The following ADGRF3 variants were observed in gnomAD, a reference collection of about 807,000 sequenced individuals.
ADGRF3 encodes G protein-coupled receptor 113.
In ADGRF3, 85 loss-of-function variants were observed where a neutral mutation model predicts 93.2. The ratio of observed to expected loss-of-function variants is 0.91; its 90% confidence interval spans 0.77 to 1.09. The LOEUF (loss-of-function observed/expected upper bound fraction) is 1.09, where lower values mean the gene tolerates loss of function less well. ADGRF3 is among the 50% of genes least tolerant of loss of function. The pLI is 0.00. For missense variants in ADGRF3, 1,125 were observed against 1,246.2 expected, an observed-to-expected ratio of 0.90 and a Z score of 1.46; for synonymous variants, 534 against 532.5, an observed-to-expected ratio of 1.00 and a Z score of -0.04.
chr2:26,332,743 A>T (rs555227819), intron 1 of ADGRF3, among the ~76,000 whole-genome samples: 1 of 151,828 alleles, frequency 6.6e-6, no homozygotes, highest in African/African-American at 2.4e-5. Context: ...CTGTCTCAAA[A>T]AATATATATA....
intron 1 of ADGRF3, among the ~76,000 whole-genome samples, chr2:26,329,861 AG>A (rs1158103895): frequency 6.6e-6 from 1 of 152,110 alleles, no homozygotes; most frequent in African/African-American, 2.4e-5. Context: ...CTTTTGTAAT[AG>A]GTACTTTAAT....
At chr2:26,313,198 A>G in intron 8 of ADGRF3, 76 bp from the exon 9 acceptor site, 1 of 1,558,262 alleles carries the variant, frequency 6.4e-7, no homozygotes, top group Non-Finnish European at 8.8e-7. Context: ...AGACCCATGG[A>G]GATTGTTGAC....
rs764784135 is a variant in ADGRF3, at chr2:26,311,103, G to A, written c.2421C>T (p.His807=). ...GGAGAACTCGGTGCTTTGCCAGCTG[G>A]TGAAAGACAAAGAGCAGCTGGTGGG... The part of the protein sequence containing the change: ...VLAHQLLFVF[H]QLAKHRVLPL... The change falls in exon 10 of 14, where the codon CAC becomes CAT. Residue 807 remains histidine, a synonymous_variant. Transcript: ENST00000651242. 1.9e-6 allele frequency: 3 copies of A among 1,600,332 alleles called. No homozygotes were observed. The highest frequency in any genetic ancestry group is 2.6e-6 in the Non-Finnish European group (3 of 1,173,782).
At position 26,308,339 on chromosome 2, in the gene ADGRF3, A is replaced by C. The variant is rs1355804119; in HGVS notation, c.*747T>G. 2 of 152,172 alleles carry C rather than the reference A, an allele frequency of 1.3e-5. No homozygotes were observed. Among genetic ancestry groups the C allele is most frequent in the Non-Finnish European group, 1.5e-5 (1 of 68,038 alleles). The allele number at this position is 152,172 out of a possible 1,614,324, so 9.4% of individuals were successfully genotyped here. A position where few individuals can be genotyped will look rare whatever the true frequency, so the allele number is the denominator to read the frequency against. ...GTCATCTTCCTCTTGTGAATTCCAT[A>C]AGTTAATTCAGCCAGATAGATATCT... is the stretch of plus-strand genomic sequence containing the variant. On this transcript the variant is annotated 3_prime_UTR_variant, in exon 14 of 14. Transcript: ENST00000651242.
chr2:26,343,508 C>A (rs891633465), intron 1 of ADGRF3, among the ~76,000 whole-genome samples: 1 of 151,882 alleles, frequency 6.6e-6, no homozygotes, highest in Non-Finnish European at 1.5e-5. Context: ...GGCGCGATCT[C>A]GGCTCACTGC....
chr2:26,314,924 A>G (rs1359316557), intron 5 of ADGRF3: 1 of 394,780 alleles, frequency 2.5e-6, no homozygotes, highest in Non-Finnish European at 4.6e-6. Flanking sequence ...AAAAACATGG[A>G]TCTGTTCTCA....
At chr2:26,330,223 G>C (rs1486236166) in intron 1 of ADGRF3, among the ~76,000 whole-genome samples, 1 of 152,126 alleles carries the variant, frequency 6.6e-6, no homozygotes, top group Non-Finnish European at 1.5e-5. Flanking sequence ...CCCGGGACCT[G>C]CGTGATGGAT....
At chr2:26,320,851 T>C (rs1287245062) in intron 1 of ADGRF3, among the ~76,000 whole-genome samples, 1 of 152,198 alleles carries the variant, frequency 6.6e-6, no homozygotes, top group Non-Finnish European at 1.5e-5. Flanking sequence ...CCAATATATG[T>C]AGTGAAGTTT....
At chr2:26,318,847 C>T in intron 1 of ADGRF3, 2 of 1,492,396 alleles carry the variant, frequency 1.3e-6, no homozygotes, top group Middle Eastern at 3.4e-4. Flanking sequence ...ATTACTTCCT[C>T]TCCCCTCAGC....
chr2:26,317,136 G>T, intron 2 of ADGRF3, 81 bp from the exon 3 acceptor site: 1 of 1,451,258 alleles, frequency 6.9e-7, no homozygotes, highest in Non-Finnish European at 9.3e-7. Context: ...TCACCTAGCT[G>T]GCCAGTCCCA....
At chr2:26,339,226 T>C (rs962614987) in intron 1 of ADGRF3, among the ~76,000 whole-genome samples, 4 of 151,712 alleles carry the variant, frequency 2.6e-5, no homozygotes, top group African/African-American at 9.7e-5. Flanking sequence ...CTGAGCATGG[T>C]GGCTCATGCC....
At chr2:26,328,881 T>A (rs968608426) in intron 1 of ADGRF3, among the ~76,000 whole-genome samples, 1 of 152,264 alleles carries the variant, frequency 6.6e-6, no homozygotes, top group Non-Finnish European at 1.5e-5. Context: ...CTCTGTCATC[T>A]CTGTTCTGCT....
chr2:26,315,614 G>A lies in ADGRF3; in HGVS notation c.626C>T (p.Pro209Leu), dbSNP rs1393284176. The change falls in exon 5 of 14, where the codon CCC (proline) becomes CTC (leucine). Residue 209 changes from proline (P) to leucine (L), a missense_variant. Coordinates refer to ENST00000651242, the MANE Select transcript of ADGRF3 (RefSeq NM_001321971.2). ...CTGTGTCCCTGGCTGCAGGAGGATGGGACTGGGGCTCCCTGGGTGCCTCAG... is the reference window on the plus strand; with the variant it reads ...CTGTGTCCCTGGCTGCAGGAGGATGAGACTGGGGCTCCCTGGGTGCCTCAG... ...WFLRHPGSPSPILLQPGTQVS... is the reference protein window; with the variant it reads ...WFLRHPGSPSLILLQPGTQVS... The A allele has an allele frequency of 6.4e-7, 1 of 1,551,618 alleles. No homozygotes were observed. Among genetic ancestry groups the A allele is most frequent in the East Asian group, 2.4e-5 (1 of 40,902 alleles).
intron 1 of ADGRF3, among the ~76,000 whole-genome samples, chr2:26,330,638 C>T (rs1172696540): frequency 3.3e-5 from 5 of 151,966 alleles, no homozygotes; most frequent in African/African-American, 1.2e-4. Context: ...TGTGAAAGAA[C>T]AGAGAAAAAA....
chr2:26,335,995 A>G (rs575748909), intron 1 of ADGRF3, among the ~76,000 whole-genome samples: 5 of 152,350 alleles, frequency 3.3e-5, no homozygotes, highest in African/African-American at 1.2e-4. Flanking sequence ...GGTATGAGGC[A>G]TTATCTTACA....
At position 26,311,474 on chromosome 2, in the gene ADGRF3, G is replaced by A. The variant is rs758756480; in HGVS notation, c.2050C>T (p.Leu684Phe). ...GACATGAGGACGGAGAAGGCAGTGA[G>A]GTGCTGGCAGAGGCACTGAGCAGTG... ...SPTAQCLCQH[L>F]TAFSVLMSPH... Residue 684 changes from leucine (L) to phenylalanine (F), a missense_variant, in exon 10 of 14, where the codon CTC becomes TTC. By Grantham distance (22) the Leu-to-Phe change is conservative. Transcript: ENST00000651242. The A allele has an allele frequency of 6.2e-6, 10 of 1,614,054 alleles. No individual in the cohort carries two copies. The highest frequency in any genetic ancestry group is 1.3e-5 in the African/African-American group (1 of 75,060).
At chr2:26,309,955 C>T (rs938796744) in intron 12 of ADGRF3, 88 bp downstream of exon 12, 1 of 1,613,760 alleles carries the variant, frequency 6.2e-7, no homozygotes, top group Non-Finnish European at 8.5e-7. Flanking sequence ...CAGCTTCTGG[C>T]TGTGCCCATG....
At position 26,311,543 on chromosome 2, in the gene ADGRF3, A is replaced by G; in HGVS notation, c.1981T>C (p.Trp661Arg). ...TGTGCCTGGCACCCTTCTTTGGACC[A>G]ACCCCCCCTGCCCTGGAAGAGACTG... ...DHSLFQGRGGWSKEGCQAQVA... is the reference protein window; with the variant it reads ...DHSLFQGRGGRSKEGCQAQVA... The change falls in exon 10 of 14, where the codon TGG becomes CGG. Residue 661 changes from tryptophan (W) to arginine (R), a missense_variant. Trp to Arg is a moderately radical substitution (Grantham distance 101). Coordinates refer to ENST00000651242, the MANE Select transcript of ADGRF3 (RefSeq NM_001321971.2). 6.2e-7 allele frequency: 1 copy of G among 1,613,812 alleles called. No individual in the cohort carries two copies. Among genetic ancestry groups the G allele is most frequent in the Non-Finnish European group, 8.5e-7 (1 of 1,179,734 alleles).
At chr2:26,337,293 T>C (rs1676109961) in intron 1 of ADGRF3, among the ~76,000 whole-genome samples, 1 of 152,256 alleles carries the variant, frequency 6.6e-6, no homozygotes, top group Admixed American at 6.5e-5. Flanking sequence ...TTGTGTGGTA[T>C]TTTACCTAGG....
Sources: gnomAD v4.1 joint callset for allele counts (sites outside exome capture counted in the v4.1 genomes callset) on GRCh38, gnomAD v4.1.1 for gene constraint, MANE v1.5 for transcripts, NCBI Gene and HGNC (gene_info 2026-07-23, HGNC 2026-07-21) for gene names.